Variants in BIK observed in about 807,000 individuals in gnomAD.
The protein encoded by BIK is BCL2 interacting killer.
BIK carries 14 observed loss-of-function variants against 12.1 expected under a neutral mutation model. The observed-to-expected ratio is 1.16, with a 90% CI of 0.77 to 1.81. BIK has a LOEUF of 1.81. Ranked by LOEUF, BIK falls within the 40% of genes most tolerant of loss-of-function variation. The pLI is 0.00. For missense variants in BIK, 215 were observed against 207.9 expected (o/e 1.03, Z -0.21); for synonymous variants, 86 against 92.3 (o/e 0.93, Z 0.39).
chr22:43,129,509 T>G lies in BIK; in HGVS notation c.*204T>G. The stretch of plus-strand genomic sequence containing the variant: ...TCCAGTTTTCGTTTTTTCTAAAAGA[T>G]GAATTCCTATGGCTCTGCAATTGTC... On this transcript the variant is annotated 3_prime_UTR_variant, in exon 5 of 5. Coordinates refer to ENST00000216115, the MANE Select transcript of BIK (RefSeq NM_001197.5). 1 of 832,536 alleles carries G rather than the reference T, an allele frequency of 1.2e-6. No individual in the cohort carries two copies. Among genetic ancestry groups the G allele is most frequent in the Non-Finnish European group, 1.8e-6 (1 of 557,898 alleles). The allele number at this position is 832,536 out of a possible 1,614,324, so 51.6% of individuals were successfully genotyped here.
intron 1 of BIK, among the ~76,000 whole-genome samples, chr22:43,116,890 T>C (rs1037982279): frequency 1.5e-4 from 23 of 152,088 alleles, no homozygotes; most frequent in African/African-American, 5.3e-4. Context: ...CAGTGAGCCA[T>C]GTTCATGCCA....
intron 2 of BIK, 145 bp downstream of exon 2, chr22:43,124,328 T>C (rs1438618945): frequency 2.0e-6 from 2 of 1,004,798 alleles, no homozygotes; most frequent in Admixed American, 2.5e-5. Context: ...GATGTGGGCA[T>C]GGAGGCTTCT....
intron 2 of BIK, among the ~76,000 whole-genome samples, chr22:43,125,481 G>A (rs754874892): frequency 1.6e-4 from 24 of 151,552 alleles, no homozygotes; most frequent in Middle Eastern, 3.2e-3. Flanking sequence ...TGAGGTGGGC[G>A]GATCACCTGA....
At chr22:43,118,077 G>A (rs1318970476) in intron 1 of BIK, among the ~76,000 whole-genome samples, 2 of 152,126 alleles carry the variant, frequency 1.3e-5, no homozygotes, top group African/African-American at 2.4e-5. Context: ...CGACGTGCCC[G>A]CCTCGGCCTC....
At chr22:43,123,994 A>C (rs1439953239) in intron 1 of BIK, 22 bp from the exon 2 acceptor site, 1 of 1,613,270 alleles carries the variant, frequency 6.2e-7, no homozygotes, top group African/African-American at 1.3e-5. Context: ...GGGTCCAGTC[A>C]TATGCTGTCT....
intron 4 of BIK, 139 bp from the exon 5 acceptor site, chr22:43,129,074 A>C (rs570488557): frequency 9.9e-6 from 14 of 1,420,544 alleles, no homozygotes; most frequent in East Asian, 4.6e-5. Context: ...CCTCTCCTGA[A>C]CTCCTTCCTT....
chr22:43,123,936 A>G (rs1273307276), intron 1 of BIK, 80 bp from the exon 2 acceptor site: 10 of 1,481,192 alleles, frequency 6.8e-6, no homozygotes, highest in Admixed American at 3.7e-5. Context: ...GGGCTATACA[A>G]TCTGGGGGTC....
chr22:43,113,136 A>G (rs539380813), intron 1 of BIK, among the ~76,000 whole-genome samples: 1 of 152,234 alleles, frequency 6.6e-6, no homozygotes. Context: ...TCTGGGAGGC[A>G]GAGGTTGCAC....
At position 43,129,214 on chromosome 22, in the gene BIK, T is replaced by C. The variant is rs752427877; in HGVS notation, c.392T>C (p.Val131Ala). ...GACTCCTCTGCTTTGCTCCCACAGGTGTCCTGCGAACAGGTGCTGCTGGCG... is the reference window on the plus strand; with the variant it reads ...GACTCCTCTGCTTTGCTCCCACAGGCGTCCTGCGAACAGGTGCTGCTGGCG... ...FWRSPNPGSW[V>A]SCEQVLLALL... Residue 131 changes from valine to alanine, a missense_variant and splice_region_variant, in exon 5 of 5, where the codon GTG (valine) becomes GCG (alanine). Coordinates refer to ENST00000216115, the MANE Select transcript of BIK (RefSeq NM_001197.5). The C allele has an allele frequency of 2.5e-6, 4 of 1,604,418 alleles. No individual in the cohort carries two copies. The African/African-American group carries it at 5.3e-5, about 21-fold the overall frequency.
Position 43,120,752 on chromosome 22 carries a change from C to G in BIK, c.-7-3264C>G, listed in dbSNP as rs567512808. ...GGCTCCACACTTTTCCCATGCAGAT[C>G]TGGGCCCTAAGGCCAGCCTAGGCCC... On this transcript the variant is annotated intron_variant, in intron 1 of 4. Coordinates refer to ENST00000216115, the MANE Select transcript of BIK (RefSeq NM_001197.5). Among the ~76,000 whole-genome samples, 71 of 152,352 alleles carry G rather than the reference C, an allele frequency of 4.7e-4. 2 individuals carry two copies. In the South Asian group the frequency reaches 0.014, roughly 31 times the overall value.
intron 2 of BIK, among the ~76,000 whole-genome samples, chr22:43,125,458 C>A (rs1288321715): frequency 2.6e-5 from 4 of 151,956 alleles, no homozygotes; most frequent in Non-Finnish European, 5.9e-5. Flanking sequence ...GTAATCCCAG[C>A]ACTTTGGGAG....
chr22:43,127,831 G>T, intron 3 of BIK, 36 bp downstream of exon 3: 1 of 1,524,998 alleles, frequency 6.6e-7, no homozygotes. Flanking sequence ...TACACCTGGG[G>T]AGGGGCCCTG....
At chr22:43,115,415 G>T (rs1271257148) in intron 1 of BIK, among the ~76,000 whole-genome samples, 2 of 152,136 alleles carry the variant, frequency 1.3e-5, no homozygotes, top group African/African-American at 4.8e-5. Flanking sequence ...CAGGGTCGGG[G>T]CCAGGGTGAG....
chr22:43,114,548 G>A (rs541235607), intron 1 of BIK, among the ~76,000 whole-genome samples: 61 of 152,236 alleles, frequency 4.0e-4, no homozygotes, highest in African/African-American at 1.2e-3. Context: ...TGATCCGCCC[G>A]CCTCAGCCTC....
chr22:43,128,623 TGG>T lies in BIK; in HGVS notation c.390_390+1del. ...CTGGAGATCCCCGAACCCCGGGTCC[TGG>T]GTAAGAGCCTTGAGATCCCTGACCC... ...RFWRSPNPGSWVSCEQVLLAL... is the reference protein window; with the variant it reads ...RFWRSPNPGSXVSCEQVLLAL... On this transcript the variant is annotated frameshift_variant and splice_region_variant, in exon 4 of 5. Transcript: ENST00000216115. LOFTEE classifies it low-confidence loss of function (END_TRUNC). The T allele has an allele frequency of 6.2e-7, 1 of 1,607,764 alleles. No individual in the cohort carries two copies. The highest frequency in any genetic ancestry group is 8.5e-7 in the Non-Finnish European group (1 of 1,176,228).
At chr22:43,114,337 C>G (rs1930068725) in intron 1 of BIK, among the ~76,000 whole-genome samples, 1 of 152,092 alleles carries the variant, frequency 6.6e-6, no homozygotes, top group Admixed American at 6.6e-5. Flanking sequence ...GAGTCTTGCT[C>G]TGTTGCCCAG....
intron 1 of BIK, among the ~76,000 whole-genome samples, chr22:43,112,637 G>A (rs1930034052): frequency 6.6e-6 from 1 of 150,926 alleles, no homozygotes; most frequent in Admixed American, 6.6e-5. Context: ...ACTCGTGCCT[G>A]TAATCCTAGC....
intron 2 of BIK, among the ~76,000 whole-genome samples, chr22:43,126,791 C>T (rs1274205160): frequency 6.6e-6 from 1 of 152,094 alleles, no homozygotes; most frequent in Admixed American, 6.6e-5. Context: ...GGACATGAAG[C>T]CTGGGGCAGT....
chr22:43,111,980 C>T (rs1419018861), intron 1 of BIK, among the ~76,000 whole-genome samples: 2 of 152,202 alleles, frequency 1.3e-5, no homozygotes. Flanking sequence ...CCTCTTTCCA[C>T]TCTCCAGCCC....
Sources: gnomAD v4.1 joint callset for allele counts (sites outside exome capture counted in the v4.1 genomes callset) on GRCh38, gnomAD v4.1.1 for gene constraint, MANE v1.5 for transcripts, NCBI Gene and HGNC (gene_info 2026-07-23, HGNC 2026-07-21) for gene names.